The following PDZRN3 variants were observed in gnomAD, a reference collection of about 807,000 sequenced individuals.
PDZRN3 encodes E3 ubiquitin-protein ligase PDZRN3.
In PDZRN3, 38 loss-of-function variants were observed where a neutral mutation model predicts 85.7. The observed-to-expected ratio is 0.44, with a 90% CI of 0.34 to 0.58. The LOEUF (loss-of-function observed/expected upper bound fraction) is 0.58, where lower values mean the gene tolerates loss of function less well. PDZRN3 is among the 20% of genes least tolerant of loss of function. The pLI, the probability that PDZRN3 is intolerant of heterozygous loss-of-function variation, is 0.01. For synonymous variants in PDZRN3, 759 were observed against 638.0 expected (o/e 1.19, Z -2.86); for missense variants, 1,629 against 1,506.4 (o/e 1.08, Z -1.35).
chr3:73,403,997 G>A (rs1207054585), intron 4 of PDZRN3, 151 bp downstream of exon 4: 3 of 666,730 alleles, frequency 4.5e-6, no homozygotes, highest in African/African-American at 3.6e-5. Context: ...AGCAGGATTC[G>A]ATTTATTGCC....
chr3:73,572,169 A>G (rs1028875771), intron 3 of PDZRN3, among the ~76,000 whole-genome samples: 2 of 152,336 alleles, frequency 1.3e-5, no homozygotes, highest in African/African-American at 4.8e-5. Context: ...TAAAATATTG[A>G]TAAAAATAAA....
At chr3:73,406,568 G>T (rs1404020425) in intron 3 of PDZRN3, among the ~76,000 whole-genome samples, 1 of 152,160 alleles carries the variant, frequency 6.6e-6, no homozygotes, top group African/African-American at 2.4e-5. Context: ...ACCCAGTCAC[G>T]CTGGTCTTCT....
intron 3 of PDZRN3, among the ~76,000 whole-genome samples, chr3:73,580,742 T>A (rs1445339288): frequency 6.6e-6 from 1 of 152,242 alleles, no homozygotes; most frequent in Non-Finnish European, 1.5e-5. Flanking sequence ...ATAGGGCTTT[T>A]ATTTAACCTT....
At chr3:73,484,029 C>T (rs928148157) in intron 3 of PDZRN3, among the ~76,000 whole-genome samples, 2 of 151,810 alleles carry the variant, frequency 1.3e-5, no homozygotes, top group East Asian at 1.9e-4. Context: ...AGTGGAGGGA[C>T]GTAGAATCTA....
intron 3 of PDZRN3, among the ~76,000 whole-genome samples, chr3:73,535,089 G>A (rs924406015): frequency 6.6e-6 from 1 of 152,038 alleles, no homozygotes; most frequent in Non-Finnish European, 1.5e-5. Flanking sequence ...TGGGTCTGCC[G>A]TGTTGTCTTT....
chr3:73,476,086 G>A (rs1703442910), intron 3 of PDZRN3, among the ~76,000 whole-genome samples: 2 of 152,148 alleles, frequency 1.3e-5, no homozygotes, highest in Admixed American at 1.3e-4. Flanking sequence ...CCTCCAACAT[G>A]GCCTTAATGA....
At chr3:73,475,590 A>G (rs568774761) in intron 3 of PDZRN3, among the ~76,000 whole-genome samples, 33 of 152,246 alleles carry the variant, frequency 2.2e-4, no homozygotes, top group Non-Finnish European at 4.1e-4. Flanking sequence ...AGGCCAAAAA[A>G]TCCATTTAAG....
intron 3 of PDZRN3, among the ~76,000 whole-genome samples, chr3:73,538,266 G>C (rs1362066103): frequency 1.3e-5 from 2 of 152,220 alleles, no homozygotes; most frequent in Non-Finnish European, 2.9e-5. Context: ...ATGAAAAACA[G>C]AGACTTTTAA....
intron 3 of PDZRN3, among the ~76,000 whole-genome samples, chr3:73,501,337 A>G (rs7651331): frequency 0.98 from 149,364 of 152,210 alleles, 73,354 homozygotes; most frequent in East Asian, 1. Flanking sequence ...GATGCCCTCC[A>G]TTCAGGATCT....
chr3:73,507,922 G>A (rs747125748), intron 3 of PDZRN3, among the ~76,000 whole-genome samples: 2 of 151,944 alleles, frequency 1.3e-5, no homozygotes, highest in Non-Finnish European at 2.9e-5. Flanking sequence ...GTAAAACCCC[G>A]TTTCTACTAA....
At chr3:73,539,151 T>C (rs959496110) in intron 3 of PDZRN3, among the ~76,000 whole-genome samples, 3 of 152,130 alleles carry the variant, frequency 2.0e-5, no homozygotes, top group African/African-American at 4.8e-5. Flanking sequence ...TCTACAAATA[T>C]AACTTAAAGT....
chr3:73,525,208 T>TA (rs1340556933), intron 3 of PDZRN3, among the ~76,000 whole-genome samples: 6 of 152,152 alleles, frequency 3.9e-5, no homozygotes, highest in Non-Finnish European at 8.8e-5. Flanking sequence ...ATTTTATGCA[T>TA]AGCATGTTTC....
chr3:73,582,066 C>T (rs902576183), intron 3 of PDZRN3, among the ~76,000 whole-genome samples: 2 of 152,150 alleles, frequency 1.3e-5, no homozygotes, highest in African/African-American at 4.8e-5. Flanking sequence ...CACCACTGCA[C>T]TCCAGCCTGG....
chr3:73,475,009 T>C (rs1191712903), intron 3 of PDZRN3, among the ~76,000 whole-genome samples: 2 of 152,114 alleles, frequency 1.3e-5, no homozygotes, highest in Non-Finnish European at 2.9e-5. Context: ...AGTACTTAGA[T>C]AAGTTAATAT....
At chr3:73,583,400 C>A (rs942051785) in intron 3 of PDZRN3, among the ~76,000 whole-genome samples, 2 of 152,204 alleles carry the variant, frequency 1.3e-5, no homozygotes, top group Admixed American at 6.5e-5. Context: ...AACAGATTAA[C>A]TATATGGCGA....
At chr3:73,565,555 A>T (rs1410020120) in intron 3 of PDZRN3, among the ~76,000 whole-genome samples, 1 of 152,156 alleles carries the variant, frequency 6.6e-6, no homozygotes, top group Non-Finnish European at 1.5e-5. Context: ...GATTAGGTTG[A>T]TAAATCTGTG....
At chr3:73,408,722 A>T (rs574934471) in intron 3 of PDZRN3, among the ~76,000 whole-genome samples, 1 of 152,230 alleles carries the variant, frequency 6.6e-6, no homozygotes, top group African/African-American at 2.4e-5. Context: ...ATCCTAGACG[A>T]TCCATTTTTG....
intron 3 of PDZRN3, among the ~76,000 whole-genome samples, chr3:73,510,359 G>A (rs750192013): frequency 1.4e-4 from 21 of 152,148 alleles, no homozygotes; most frequent in Non-Finnish European, 2.4e-4. Flanking sequence ...ATCTCTACCC[G>A]AGAAGAAACA....
At chr3:73,441,851 G>T (rs13088891) in intron 3 of PDZRN3, among the ~76,000 whole-genome samples, 12,772 of 152,246 alleles carry the variant, frequency 0.084, 603 homozygotes, top group Middle Eastern at 0.18. Flanking sequence ...GTCTGTAAAT[G>T]ACTGGCCTGC....
Sources: gnomAD v4.1 joint callset for allele counts (sites outside exome capture counted in the v4.1 genomes callset) on GRCh38, gnomAD v4.1.1 for gene constraint, MANE v1.5 for transcripts, NCBI Gene and HGNC (gene_info 2026-07-23, HGNC 2026-07-21) for gene names.